Variants in ARHGAP26 observed in about 807,000 individuals in gnomAD.
ARHGAP26 encodes rho GTPase-activating protein 26.
In ARHGAP26, 38 loss-of-function variants were observed where a neutral mutation model predicts 104.8. The observed-to-expected ratio is 0.36, with a 90% CI of 0.28 to 0.48. The LOEUF is 0.48. Ranked by LOEUF, ARHGAP26 falls within the 20% of genes least tolerant of loss-of-function variation. The pLI, the probability that ARHGAP26 is intolerant of heterozygous loss-of-function variation, is 0.99. For synonymous variants in ARHGAP26, 341 were observed against 340.0 expected (o/e 1.00, Z -0.03); for missense variants, 704 against 947.9 (o/e 0.74, Z 3.38).
At chr5:143,187,862 T>C (rs923526381) in intron 20 of ARHGAP26, among the ~76,000 whole-genome samples, 1 of 152,238 alleles carries the variant, frequency 6.6e-6, no homozygotes, top group African/African-American at 2.4e-5. Context: ...GTGTTGTTGC[T>C]ATGTCTTGCC....
intron 10 of ARHGAP26, 123 bp from the exon 11 acceptor site, chr5:142,931,924 C>T (rs1764783850): frequency 1.1e-6 from 1 of 882,236 alleles, no homozygotes; most frequent in South Asian, 1.4e-5. Context: ...AGTGTTTTGC[C>T]CCTCTTTGTG....
At chr5:143,064,552 G>A (rs1787206220) in intron 17 of ARHGAP26, among the ~76,000 whole-genome samples, 1 of 152,060 alleles carries the variant, frequency 6.6e-6, no homozygotes. Flanking sequence ...ATTCTCAAAG[G>A]ACCTTCTCCA....
chr5:143,192,888 T>C (rs1204054669), intron 20 of ARHGAP26, among the ~76,000 whole-genome samples: 2 of 152,200 alleles, frequency 1.3e-5, no homozygotes. Flanking sequence ...AAAAAAGATC[T>C]CTGGTCACCC....
chr5:142,822,102 GT>G (rs1218584589), intron 1 of ARHGAP26, among the ~76,000 whole-genome samples: 2 of 152,174 alleles, frequency 1.3e-5, no homozygotes, highest in African/African-American at 4.8e-5. Flanking sequence ...TTCTCAACTT[GT>G]CATGATTACC....
chr5:143,061,764 T>C (rs1786744604), intron 17 of ARHGAP26, among the ~76,000 whole-genome samples: 1 of 152,244 alleles, frequency 6.6e-6, no homozygotes, highest in African/African-American at 2.4e-5. Context: ...ATGTTCCTGC[T>C]CAGCCAGCGT....
chr5:143,019,331 T>C (rs978399412), intron 12 of ARHGAP26, among the ~76,000 whole-genome samples: 4 of 152,134 alleles, frequency 2.6e-5, no homozygotes, highest in African/African-American at 9.7e-5. Flanking sequence ...ATACTTGTCA[T>C]TGATTCGTCC....
chr5:143,132,508 T>C (rs1213064643), intron 18 of ARHGAP26, among the ~76,000 whole-genome samples: 3 of 151,986 alleles, frequency 2.0e-5, no homozygotes, highest in Admixed American at 1.3e-4. Context: ...GGGGGTGTTA[T>C]GCAGCCATTA....
chr5:143,215,326 C>G (rs1377880050), intron 22 of ARHGAP26, among the ~76,000 whole-genome samples: 1 of 152,218 alleles, frequency 6.6e-6, no homozygotes, highest in Non-Finnish European at 1.5e-5. Context: ...TTTCTAACAA[C>G]CATTCCCTCT....
chr5:143,106,619 C>T (rs1466685044), intron 17 of ARHGAP26, among the ~76,000 whole-genome samples: 2 of 151,768 alleles, frequency 1.3e-5, no homozygotes, highest in South Asian at 2.1e-4. Context: ...ACTACAGGCA[C>T]GTGGCACCAC....
intron 20 of ARHGAP26, among the ~76,000 whole-genome samples, chr5:143,197,326 C>A (rs751842143): frequency 3.8e-4 from 58 of 152,216 alleles, no homozygotes; most frequent in Admixed American, 6.5e-4. Context: ...AATTTACACC[C>A]CTCCTGCAGC....
At chr5:143,201,335 G>T (rs1037089774) in intron 20 of ARHGAP26, among the ~76,000 whole-genome samples, 6 of 152,174 alleles carry the variant, frequency 3.9e-5, no homozygotes, top group Non-Finnish European at 8.8e-5. Flanking sequence ...GCCTTTAGCA[G>T]TCATCTGCTA....
chr5:142,940,894 G>A (rs569152097), intron 11 of ARHGAP26, among the ~76,000 whole-genome samples: 5 of 151,754 alleles, frequency 3.3e-5, no homozygotes, highest in Admixed American at 6.6e-5. Context: ...GGCTAACACG[G>A]TGAAACCTGG....
At chr5:142,992,985 A>G (rs1269068368) in intron 11 of ARHGAP26, among the ~76,000 whole-genome samples, 3 of 151,288 alleles carry the variant, frequency 2.0e-5, no homozygotes, top group Admixed American at 6.6e-5. Flanking sequence ...CTTTATTTTT[A>G]TTTTTATTTT....
chr5:143,139,709 C>T (rs1184083145), intron 19 of ARHGAP26, among the ~76,000 whole-genome samples: 1 of 152,184 alleles, frequency 6.6e-6, no homozygotes, highest in Non-Finnish European at 1.5e-5. Context: ...CGATCACCTT[C>T]GAACAGATGG....
intron 20 of ARHGAP26, among the ~76,000 whole-genome samples, chr5:143,162,821 C>T (rs1049606320): frequency 1.3e-5 from 2 of 152,152 alleles, no homozygotes; most frequent in East Asian, 1.9e-4. Flanking sequence ...TGAGCAAACA[C>T]GCATTGAATG....
At chr5:142,771,080 C>G (rs1365576118) in intron 1 of ARHGAP26, 165 bp downstream of exon 1, 1 of 1,367,704 alleles carries the variant, frequency 7.3e-7, no homozygotes, top group South Asian at 1.7e-5. Context: ...GCGGGCGAAC[C>G]AGCAACCATC....
At chr5:143,158,924 A>G (rs1800848749) in intron 20 of ARHGAP26, among the ~76,000 whole-genome samples, 1 of 152,240 alleles carries the variant, frequency 6.6e-6, no homozygotes, top group African/African-American at 2.4e-5. Flanking sequence ...AGGTTGATGT[A>G]TTAGGATCCT....
chr5:142,928,801 G>A (rs2152525010), intron 10 of ARHGAP26, among the ~76,000 whole-genome samples: 1 of 152,306 alleles, frequency 6.6e-6, no homozygotes, highest in African/African-American at 2.4e-5. Flanking sequence ...ATACTGCTGG[G>A]TTATAATTAT....
At chr5:143,104,035 A>G (rs1793650368) in intron 17 of ARHGAP26, among the ~76,000 whole-genome samples, 1 of 151,892 alleles carries the variant, frequency 6.6e-6, no homozygotes, top group Non-Finnish European at 1.5e-5. Flanking sequence ...GAGAAAAAAA[A>G]AAAGAGAGAA....
Sources: allele counts gnomAD v4.1 joint callset (sites outside exome capture counted in the v4.1 genomes callset), GRCh38; gene constraint gnomAD v4.1.1; transcripts MANE v1.5; gene names NCBI Gene and HGNC (gene_info 2026-07-23, HGNC 2026-07-21).